The following SORCS2 variants were observed in gnomAD, a reference collection of about 807,000 sequenced individuals.
SORCS2 encodes the protein VPS10 domain-containing receptor SorCS2.
Under a neutral mutation model 141.6 loss-of-function variants are expected in SORCS2, and 100 were observed. The observed-to-expected ratio is 0.71, with a 90% CI of 0.60 to 0.83. The LOEUF (loss-of-function observed/expected upper bound fraction) is 0.83. Among genes scored for constraint, SORCS2 ranks in the 40% least tolerant of loss-of-function variants. The pLI is 0.00. For missense variants in SORCS2, 1,646 were observed against 1,560.2 expected, an observed-to-expected ratio of 1.05 and a Z score of -0.93; for synonymous variants, 789 against 676.9, an observed-to-expected ratio of 1.17 and a Z score of -2.57.
At chr4:7,609,526 C>A (rs1718271601) in intron 3 of SORCS2, among the ~76,000 whole-genome samples, 1 of 152,230 alleles carries the variant, frequency 6.6e-6, no homozygotes, top group Non-Finnish European at 1.5e-5. Context: ...TCTCCTTGGT[C>A]AGTCCTCTCT....
intron 1 of SORCS2, among the ~76,000 whole-genome samples, chr4:7,302,491 C>T (rs1717497630): frequency 1.3e-5 from 2 of 152,176 alleles, no homozygotes; most frequent in African/African-American, 4.8e-5. Flanking sequence ...GCTCTCTGCC[C>T]CTCCTTCGGG....
chr4:7,336,911 C>G (rs1483400729), intron 1 of SORCS2, among the ~76,000 whole-genome samples: 1 of 152,108 alleles, frequency 6.6e-6, no homozygotes, highest in African/African-American at 2.4e-5. Flanking sequence ...TGGACTTGTC[C>G]CTGAGCCGCC....
chr4:7,665,663 T>G (rs1336459052), intron 7 of SORCS2, among the ~76,000 whole-genome samples: 1 of 152,160 alleles, frequency 6.6e-6, no homozygotes, highest in Non-Finnish European at 1.5e-5. Context: ...TTACTCCTTT[T>G]GTCCCTACAC....
In SORCS2 at chr4:7,233,522, C is replaced by T. The variant is rs902841083; in HGVS notation, c.480+40396C>T. The stretch of plus-strand genomic sequence containing the variant: ...AGGGTGAGCAGACACTTGCTGGGTT[C>T]AGGGTGAGCAGACACTGGCAGCTGT... On this transcript the variant is annotated intron_variant, in intron 1 of 26. Transcript: ENST00000507866. The surrounding 1 kb of genome is among the most constrained non-coding windows in gnomAD (Gnocchi z 4.5). Among the ~76,000 whole-genome samples, 12 of 152,144 alleles carry T rather than the reference C, an allele frequency of 7.9e-5. No homozygotes were observed. The highest frequency in any genetic ancestry group is 2.9e-4 in the African/African-American group (12 of 41,440).
intron 3 of SORCS2, among the ~76,000 whole-genome samples, chr4:7,601,131 C>G (rs182940501): frequency 1.3e-5 from 2 of 152,242 alleles, no homozygotes; most frequent in African/African-American, 4.8e-5. Context: ...TAGTTTTATC[C>G]TAGAAGTTTT....
At chr4:7,412,002 C>A (rs1408513570) in intron 2 of SORCS2, among the ~76,000 whole-genome samples, 4 of 152,222 alleles carry the variant, frequency 2.6e-5, no homozygotes, top group Non-Finnish European at 5.9e-5. Context: ...TGTATGCTGC[C>A]AAGGTCTATC....
chr4:7,229,325 GAC>G (rs1395488279), intron 1 of SORCS2, among the ~76,000 whole-genome samples: 4 of 150,838 alleles, frequency 2.7e-5, no homozygotes, highest in Non-Finnish European at 5.9e-5. Flanking sequence ...GCCACCAGCT[GAC>G]AGGAGCCCCT....
chr4:7,610,873 G>A (rs1718362907), intron 3 of SORCS2, among the ~76,000 whole-genome samples: 1 of 152,154 alleles, frequency 6.6e-6, no homozygotes, highest in Non-Finnish European at 1.5e-5. Flanking sequence ...AGGCAAGGAG[G>A]ATTTCCAAGC....
chr4:7,322,066 C>T (rs559837330), intron 1 of SORCS2, among the ~76,000 whole-genome samples: 64 of 152,274 alleles, frequency 4.2e-4, no homozygotes, highest in African/African-American at 6.0e-4. Context: ...CCATGAGGCT[C>T]GTAGAGGGCC....
At chr4:7,376,340 G>A (rs151147587) in intron 1 of SORCS2, among the ~76,000 whole-genome samples, 3,751 of 152,038 alleles carry the variant, frequency 0.025, 154 homozygotes, top group African/African-American at 0.085. Context: ...ACTTTGGGAA[G>A]CCAAGGCTGG....
chr4:7,307,189 C>T (rs4689103), intron 1 of SORCS2, among the ~76,000 whole-genome samples: 108,505 of 151,980 alleles, frequency 0.71, 42,676 homozygotes, highest in Non-Finnish European at 0.88. Context: ...TCTTCCCCTC[C>T]CCTCTCCCCA....
intron 19 of SORCS2, among the ~76,000 whole-genome samples, chr4:7,724,859 ATGGTGGTGGTAGTGG>A (rs1727051384): frequency 2.4e-4 from 12 of 49,052 alleles, no homozygotes; most frequent in African/African-American, 1.0e-3. Flanking sequence ...GGTAGTGGTG[ATGGTGGTGGTAGTGG>A]TGATGGTGGT....
chr4:7,273,320 T>C (rs114746262), intron 1 of SORCS2, among the ~76,000 whole-genome samples: 5,168 of 152,228 alleles, frequency 0.034, 321 homozygotes, highest in African/African-American at 0.12. Context: ...CTTTCCCTGG[T>C]GTGCCCAGCA....
intron 3 of SORCS2, among the ~76,000 whole-genome samples, chr4:7,607,932 G>A (rs1718165088): frequency 6.6e-6 from 1 of 152,158 alleles, no homozygotes; most frequent in Admixed American, 6.5e-5. Context: ...GGCCGTGAGT[G>A]AGTTGCGGTT....
At chr4:7,674,982 GT>G (rs1393950949) in intron 8 of SORCS2, among the ~76,000 whole-genome samples, 5 of 152,152 alleles carry the variant, frequency 3.3e-5, no homozygotes, top group African/African-American at 4.8e-5. Context: ...TTGGCACTGT[GT>G]TCTCAGAGGG....
chr4:7,689,238 C>T (rs1724061330), intron 10 of SORCS2, among the ~76,000 whole-genome samples: 1 of 152,108 alleles, frequency 6.6e-6, no homozygotes, highest in African/African-American at 2.4e-5. Context: ...CCAGGTGCCT[C>T]ACTTGTGCCC....
intron 9 of SORCS2, among the ~76,000 whole-genome samples, chr4:7,681,695 TG>T (rs1723535918): frequency 1.3e-5 from 2 of 152,212 alleles, no homozygotes; most frequent in African/African-American, 4.8e-5. Flanking sequence ...TCATGGCTGC[TG>T]TTGTTCTCCC....
intron 24 of SORCS2, 133 bp from the exon 25 acceptor site, chr4:7,734,139 G>A (rs1369983503): frequency 1.6e-5 from 10 of 620,996 alleles, no homozygotes; most frequent in Admixed American, 5.3e-5. Context: ...ATGGGCCAGG[G>A]ACAGGCAGGG....
intron 1 of SORCS2, among the ~76,000 whole-genome samples, chr4:7,228,549 C>T (rs1423202582): frequency 3.9e-5 from 6 of 152,232 alleles, no homozygotes; most frequent in Non-Finnish European, 7.3e-5. Flanking sequence ...GTCCTGCCTA[C>T]ACAGGCTCAC....
Sources: gnomAD v4.1 joint callset for allele counts (sites outside exome capture counted in the v4.1 genomes callset) on GRCh38, gnomAD v4.1.1 for gene constraint, Gnocchi (gnomAD v3.1) non-coding constraint, MANE v1.5 for transcripts, NCBI Gene and HGNC (gene_info 2026-07-23, HGNC 2026-07-21) for gene names.